Variants in SUSD6 observed in about 807,000 individuals in gnomAD.
SUSD6 encodes the protein sushi domain-containing protein 6.
In SUSD6, 16 loss-of-function variants were observed where a neutral mutation model predicts 28.4. The ratio of observed to expected loss-of-function variants is 0.56; its 90% CI spans 0.38 to 0.86. The LOEUF (loss-of-function observed/expected upper bound fraction) is 0.86, where lower values mean the gene tolerates loss of function less well. Among genes scored for constraint, SUSD6 ranks in the 40% least tolerant of loss-of-function variants. SUSD6 has a pLI of 0.00. For synonymous variants in SUSD6, 147 were observed against 159.6 expected, an observed-to-expected ratio of 0.92 and a Z score of 0.59; for missense variants, 341 against 384.2, an observed-to-expected ratio of 0.89 and a Z score of 0.94.
At chr14:69,677,268 G>A (rs1030744618) in intron 2 of SUSD6, among the ~76,000 whole-genome samples, 2 of 152,180 alleles carry the variant, frequency 1.3e-5, no homozygotes, top group Non-Finnish European at 1.5e-5. Context: ...CTGTTACGCC[G>A]GGCGTGGTGG....
intron 1 of SUSD6, among the ~76,000 whole-genome samples, chr14:69,656,347 G>C (rs2139613243): frequency 6.6e-6 from 1 of 152,258 alleles, no homozygotes; most frequent in Admixed American, 6.5e-5. Context: ...GCTGTGATGT[G>C]GCACATGCAG....
chr14:69,641,788 G>A (rs1315719997), intron 1 of SUSD6, among the ~76,000 whole-genome samples: 2 of 148,852 alleles, frequency 1.3e-5, no homozygotes, highest in Non-Finnish European at 3.0e-5. Context: ...TTTGTAGAGA[G>A]GAGGGGGGGT....
In SUSD6 at chr14:69,611,598, T is replaced by G. The variant is rs1483692052; in HGVS notation, c.-311T>G. 1.4e-5 allele frequency: 2 copies of G among 147,870 alleles called. No homozygotes were observed. Among genetic ancestry groups the G allele is most frequent in the South Asian group, 2.2e-4 (1 of 4,648 alleles). 9.2% of individuals were successfully genotyped at this position (147,870 alleles called of 1,614,324 possible). On this transcript the variant is annotated 5_prime_UTR_variant, in exon 1 of 6. Coordinates refer to ENST00000342745, the MANE Select transcript of SUSD6 (RefSeq NM_014734.4). ...CGCCCGCGCGGTACAGCTGGGTCAG[T>G]GACGCGGGCGCTGCAGCCGTCGCTA...
intron 1 of SUSD6, among the ~76,000 whole-genome samples, chr14:69,633,500 C>A (rs1595034935): frequency 6.6e-6 from 1 of 152,260 alleles, no homozygotes; most frequent in Non-Finnish European, 1.5e-5. Flanking sequence ...ACTTATTCAG[C>A]CCTCAAAGCT....
At chr14:69,619,486 T>C (rs1216542746) in intron 1 of SUSD6, among the ~76,000 whole-genome samples, 2 of 151,910 alleles carry the variant, frequency 1.3e-5, no homozygotes, top group Non-Finnish European at 2.9e-5. Flanking sequence ...CCTGGCCTGG[T>C]ACGGTGGCTC....
At chr14:69,710,929 T>TAG in intron 5 of SUSD6, 25 bp from the exon 6 acceptor site, 1 of 1,613,726 alleles carries the variant, frequency 6.2e-7, no homozygotes, top group East Asian at 2.2e-5. Flanking sequence ...GTAACCACTG[T>TAG]GCTTTTCTTC....
In SUSD6 at chr14:69,713,108, G is replaced by A. The variant is rs548982419; in HGVS notation, c.*2129G>A. 8 of 152,304 alleles carry A rather than the reference G, an allele frequency of 5.3e-5. No homozygotes were observed. Among genetic ancestry groups the A allele is most frequent in the African/African-American group, 1.9e-4 (8 of 41,554 alleles). 9.4% of individuals were successfully genotyped at this position (152,304 alleles called of 1,614,324 possible). On this transcript the variant is annotated 3_prime_UTR_variant, in exon 6 of 6. Transcript: ENST00000342745. ...AAAACCCGCATTCTATTCTAGAATG[G>A]TTTTTAAAATGGAAGATCTTACCTT...
At chr14:69,617,863 G>A (rs1455056669) in intron 1 of SUSD6, among the ~76,000 whole-genome samples, 1 of 152,214 alleles carries the variant, frequency 6.6e-6, no homozygotes, top group African/African-American at 2.4e-5. Flanking sequence ...AGGGAGGAGG[G>A]AGAGGGTCTG....
chr14:69,654,085 A>G (rs1174118215), intron 1 of SUSD6, among the ~76,000 whole-genome samples: 1 of 152,174 alleles, frequency 6.6e-6, no homozygotes, highest in Non-Finnish European at 1.5e-5. Flanking sequence ...TTCAGGATGG[A>G]ATTGGTTCCT....
intron 1 of SUSD6, among the ~76,000 whole-genome samples, chr14:69,616,300 T>C (rs1387417685): frequency 3.3e-5 from 5 of 152,234 alleles, no homozygotes; most frequent in Non-Finnish European, 5.9e-5. Flanking sequence ...GAATGTCTCA[T>C]ATTTCTAAGT....
chr14:69,680,514 C>T (rs970750872), intron 2 of SUSD6, among the ~76,000 whole-genome samples: 4 of 152,154 alleles, frequency 2.6e-5, no homozygotes, highest in African/African-American at 4.8e-5. Context: ...TCATACTTGG[C>T]ATGATGCTAC....
rs147875074 is a variant in SUSD6 at position 69,702,814 on chromosome 14, A to G, written c.122-581A>G. ...TGCTTTTGAAACTAGGCAGTCCTGT[A>G]TATCAGTGGAAAATGTGGAATTTAT... is the stretch of plus-strand genomic sequence containing the variant. On this transcript the variant is annotated intron_variant, in intron 2 of 5. Transcript: ENST00000342745. Among the ~76,000 whole-genome samples, 169 of 152,314 alleles carry G rather than the reference A, an allele frequency of 1.1e-3. 2 individuals are homozygous for G. The highest frequency in any genetic ancestry group is 3.9e-3 in the African/African-American group (162 of 41,564).
chr14:69,688,315 G>A (rs1038661613), intron 2 of SUSD6, among the ~76,000 whole-genome samples: 1 of 152,180 alleles, frequency 6.6e-6, no homozygotes, highest in African/African-American at 2.4e-5. Flanking sequence ...GTCCTTCAAA[G>A]TGTGTAGTGT....
intron 2 of SUSD6, among the ~76,000 whole-genome samples, chr14:69,659,220 G>A (rs1324160051): frequency 2.0e-5 from 3 of 152,168 alleles, no homozygotes; most frequent in Non-Finnish European, 2.9e-5. Context: ...TTGTTTGTTC[G>A]TCTTTCTGCG....
At chr14:69,671,604 C>T (rs1161622952) in intron 2 of SUSD6, among the ~76,000 whole-genome samples, 1 of 152,146 alleles carries the variant, frequency 6.6e-6, no homozygotes, top group East Asian at 1.9e-4. Flanking sequence ...TTCTTAATTG[C>T]TTGGGGAAGG....
At chr14:69,647,222 C>A (rs1885440498) in intron 1 of SUSD6, among the ~76,000 whole-genome samples, 1 of 152,072 alleles carries the variant, frequency 6.6e-6, no homozygotes, top group African/African-American at 2.4e-5. Flanking sequence ...GATTTTTGGC[C>A]ACACTGAAAT....
intron 1 of SUSD6, among the ~76,000 whole-genome samples, chr14:69,645,413 G>T (rs1885411862): frequency 2.0e-5 from 3 of 152,220 alleles, no homozygotes; most frequent in Admixed American, 2.0e-4. Context: ...TATAGAAGAG[G>T]TAACAATTTC....
At position 69,611,819 on chromosome 14, in the gene SUSD6, C is replaced by G. The variant is rs1324145473; in HGVS notation, c.-90C>G. 6.6e-6 allele frequency: 1 copy of G among 151,694 alleles called. No homozygotes were observed. The highest frequency in any genetic ancestry group is 2.4e-5 in the African/African-American group (1 of 41,376). The allele number at this position is 151,694 out of a possible 1,614,324, so 9.4% of individuals were successfully genotyped here. A position where few individuals can be genotyped will look rare whatever the true frequency, so the allele number is the denominator to read the frequency against. On this transcript the variant is annotated 5_prime_UTR_variant, in exon 1 of 6. Transcript: ENST00000342745. ...GCGCCCCCATCCCGGAGGTCTCCGC[C>G]GGCTCCCGGGTGAGTTGTCACCGCG...
At position 69,684,347 on chromosome 14, in the gene SUSD6, G is replaced by A. The variant is rs74060276; in HGVS notation, c.122-19048G>A. Among the ~76,000 whole-genome samples, 1,492 of 152,276 alleles carry A rather than the reference G, an allele frequency of 9.8e-3. 26 individuals are homozygous for A. Among genetic ancestry groups the A allele is most frequent in the African/African-American group, 0.031 (1,303 of 41,558 alleles). ...GAAATCTGATATGTAAAATAAAGGA[G>A]GATCAGTCAAAAAGTGTTCTTAGTA... On this transcript the variant is annotated intron_variant, in intron 2 of 5. Transcript: ENST00000342745.
Sources: allele counts gnomAD v4.1 joint callset (sites outside exome capture counted in the v4.1 genomes callset), GRCh38; gene constraint gnomAD v4.1.1; transcripts MANE v1.5; gene names NCBI Gene and HGNC (gene_info 2026-07-23, HGNC 2026-07-21).